The following UNC5C variants were observed in gnomAD, a reference collection of about 807,000 sequenced individuals.
UNC5C encodes the protein unc-5 netrin receptor C.
Under a neutral mutation model 99.8 loss-of-function variants are expected in UNC5C, and 47 were observed. The ratio of observed to expected loss-of-function variants is 0.47; its 90% CI spans 0.37 to 0.60. The LOEUF is 0.60. Ranked by LOEUF, UNC5C falls within the 20% of genes least tolerant of loss-of-function variation. The pLI is 0.00. For missense variants in UNC5C, 1,062 were observed against 1,165.9 expected, an observed-to-expected ratio of 0.91 and a Z score of 1.30; for synonymous variants, 487 against 452.2, an observed-to-expected ratio of 1.08 and a Z score of -0.98.
chr4:95,472,655 G>T (rs746954646), intron 1 of UNC5C, among the ~76,000 whole-genome samples: 1 of 152,040 alleles, frequency 6.6e-6, no homozygotes, highest in Non-Finnish European at 1.5e-5. Context: ...TCAATCATTT[G>T]TGTGGGTTAA....
intron 1 of UNC5C, among the ~76,000 whole-genome samples, chr4:95,491,811 A>G (rs1477949352): frequency 1.3e-5 from 2 of 151,628 alleles, no homozygotes; most frequent in East Asian, 1.9e-4. Flanking sequence ...TGAGTCATTT[A>G]CTGATTTGTT....
intron 1 of UNC5C, among the ~76,000 whole-genome samples, chr4:95,368,931 G>A (rs908363397): frequency 2.0e-5 from 3 of 151,880 alleles, no homozygotes; most frequent in Non-Finnish European, 2.9e-5. Context: ...GTGTGTCTGT[G>A]TTTTGAGACA....
chr4:95,283,555 T>C (rs1472922932), intron 3 of UNC5C, among the ~76,000 whole-genome samples: 2 of 152,256 alleles, frequency 1.3e-5, no homozygotes, highest in Non-Finnish European at 2.9e-5. Flanking sequence ...ATTTTAAGCA[T>C]ATCTTTTATC....
chr4:95,296,771 C>T (rs1266552714), intron 3 of UNC5C, among the ~76,000 whole-genome samples: 1 of 152,166 alleles, frequency 6.6e-6, no homozygotes, highest in Non-Finnish European at 1.5e-5. Flanking sequence ...CAGTTTGAAA[C>T]TGATTTTGAA....
chr4:95,278,478 T>A (rs1191937825), intron 3 of UNC5C, 116 bp from the exon 4 acceptor site: 2 of 769,862 alleles, frequency 2.6e-6, no homozygotes, highest in African/African-American at 3.5e-5. Flanking sequence ...TTCTTTCTTT[T>A]TTCTTTTTTT....
Position 95,335,394 on chromosome 4 carries a change from G to T in UNC5C, c.346+16C>A, listed in dbSNP as rs764845348. The T allele has an allele frequency of 5.0e-6, 8 of 1,602,060 alleles. No individual in the cohort carries two copies. The highest frequency in any genetic ancestry group is 1.7e-5 in the Admixed American group (1 of 59,572). On this transcript the variant is annotated intron_variant, in intron 2 of 15. Transcript: ENST00000453304. ...GTGAATCTTGAAGTGCAATGCAAATGCAATGGAAAACTCACCGGAAGTTTC... is the reference window on the plus strand; with the variant it reads ...GTGAATCTTGAAGTGCAATGCAAATTCAATGGAAAACTCACCGGAAGTTTC...
intron 12 of UNC5C, among the ~76,000 whole-genome samples, chr4:95,187,342 G>A (rs1736871142): frequency 6.6e-6 from 1 of 152,124 alleles, no homozygotes; most frequent in East Asian, 1.9e-4. Flanking sequence ...GTAATTATCT[G>A]ATTACTATAG....
intron 1 of UNC5C, among the ~76,000 whole-genome samples, chr4:95,402,840 T>G (rs1184223788): frequency 6.6e-6 from 1 of 152,200 alleles, no homozygotes; most frequent in East Asian, 1.9e-4. Context: ...AGTCCCCTAG[T>G]CTAAAGAGAT....
Position 95,428,469 on chromosome 4 carries a change from G to A in UNC5C, c.125-92838C>T, listed in dbSNP as rs1578158206. Among the ~76,000 whole-genome samples, 4 of 152,234 alleles carry A rather than the reference G, an allele frequency of 2.6e-5. No individual in the cohort carries two copies. In the South Asian group the frequency reaches 8.3e-4, roughly 32 times the overall value. ...GCGTTTCTTATTTAAATAAGATTAT[G>A]CAATTATCCAGAAACATGGAAAGGG... is the stretch of plus-strand genomic sequence containing the variant. On this transcript the variant is annotated intron_variant, in intron 1 of 15. Coordinates refer to ENST00000453304, the MANE Select transcript of UNC5C (RefSeq NM_003728.4).
chr4:95,415,604 A>G (rs942891506), intron 1 of UNC5C, among the ~76,000 whole-genome samples: 1 of 152,166 alleles, frequency 6.6e-6, no homozygotes, highest in Non-Finnish European at 1.5e-5. Flanking sequence ...TCATAAGGTC[A>G]ACTGTCTGGT....
At chr4:95,187,089 A>G (rs1310215390) in intron 12 of UNC5C, among the ~76,000 whole-genome samples, 1 of 152,246 alleles carries the variant, frequency 6.6e-6, no homozygotes, top group Non-Finnish European at 1.5e-5. Context: ...GCAGGAAGGC[A>G]TAATGAGCTT....
At chr4:95,284,490 T>A (rs1197411607) in intron 3 of UNC5C, among the ~76,000 whole-genome samples, 1 of 152,180 alleles carries the variant, frequency 6.6e-6, no homozygotes, top group Non-Finnish European at 1.5e-5. Flanking sequence ...AGTTGACGCA[T>A]CTTTGAAGAC....
intron 1 of UNC5C, among the ~76,000 whole-genome samples, chr4:95,472,179 A>T (rs2149474777): frequency 6.6e-6 from 1 of 152,304 alleles, no homozygotes; most frequent in Middle Eastern, 3.4e-3. Context: ...TTGCTGTATT[A>T]ATCTGTATTA....
At chr4:95,548,612 G>C (rs1336770731) in intron 1 of UNC5C, 122 bp downstream of exon 1, 14 of 1,157,168 alleles carry the variant, frequency 1.2e-5, no homozygotes, top group African/African-American at 1.5e-5. Context: ...GGAATTTAGA[G>C]TGGTTTCCAG....
intron 1 of UNC5C, among the ~76,000 whole-genome samples, chr4:95,435,320 TTA>T (rs3069232): frequency 0.63 from 95,753 of 151,570 alleles, 31,218 homozygotes; most frequent in Non-Finnish European, 0.73. Flanking sequence ...TTAATTATGT[TTA>T]TGTTAGTGAC....
chr4:95,225,734 A>T (rs774786564), intron 7 of UNC5C, among the ~76,000 whole-genome samples: 1 of 152,194 alleles, frequency 6.6e-6, no homozygotes, highest in South Asian at 2.1e-4. Context: ...ATTTTCCTAC[A>T]TGGGAAAATT....
chr4:95,455,440 A>G (rs1171516862), intron 1 of UNC5C, among the ~76,000 whole-genome samples: 1 of 152,054 alleles, frequency 6.6e-6, no homozygotes, highest in African/African-American at 2.4e-5. Context: ...AGGTTGAGGC[A>G]GGAGCATTGC....
At chr4:95,400,573 A>T (rs1488356943) in intron 1 of UNC5C, among the ~76,000 whole-genome samples, 2 of 151,722 alleles carry the variant, frequency 1.3e-5, no homozygotes, top group Non-Finnish European at 2.9e-5. Flanking sequence ...TTGTATTTTT[A>T]GTAGAGACGG....
intron 3 of UNC5C, among the ~76,000 whole-genome samples, chr4:95,299,733 G>T (rs1180963400): frequency 6.6e-6 from 1 of 152,140 alleles, no homozygotes; most frequent in East Asian, 1.9e-4. Context: ...AAAAGCATCA[G>T]ATCTCATGAG....
Sources: allele counts gnomAD v4.1 joint callset (sites outside exome capture counted in the v4.1 genomes callset), GRCh38; gene constraint gnomAD v4.1.1; transcripts MANE v1.5; gene names NCBI Gene and HGNC (gene_info 2026-07-23, HGNC 2026-07-21).